Variants in TUNAR observed in about 807,000 individuals in gnomAD.
TUNAR encodes transmembrane neural differentiation associated intracellular calcium regulator, also known as protein TUNAR.
intron 2 of TUNAR, among the ~76,000 whole-genome samples, chr14:95,882,596 G>A (rs1229750264): frequency 6.6e-6 from 1 of 152,204 alleles, no homozygotes; most frequent in Non-Finnish European, 1.5e-5. Context: ...TGGCAGACCT[G>A]CATTTTTGAA....
intron 2 of TUNAR, among the ~76,000 whole-genome samples, chr14:95,920,658 G>A (rs562450468): frequency 5.3e-5 from 8 of 152,080 alleles, no homozygotes; most frequent in South Asian, 4.1e-4. Flanking sequence ...CCTGTCCTCC[G>A]GATCCAGAGC....
chr14:95,882,278 C>G (rs904389377), intron 2 of TUNAR, among the ~76,000 whole-genome samples: 1 of 152,012 alleles, frequency 6.6e-6, no homozygotes, highest in Non-Finnish European at 1.5e-5. Context: ...TGTGTAGTTA[C>G]TAAAAAGTAG....
At chr14:95,879,902 C>T (rs1373151241) in intron 2 of TUNAR, among the ~76,000 whole-genome samples, 1 of 152,224 alleles carries the variant, frequency 6.6e-6, no homozygotes, top group Admixed American at 6.5e-5. Context: ...AGACCATGCC[C>T]TCATGATTGC....
intron 2 of TUNAR, among the ~76,000 whole-genome samples, chr14:95,885,383 C>T (rs763970164): frequency 6.6e-5 from 10 of 152,244 alleles, no homozygotes; most frequent in Admixed American, 1.3e-4. Context: ...AAACGTGTTA[C>T]GTAACTACCT....
chr14:95,914,939 G>A (rs368431307), intron 2 of TUNAR, among the ~76,000 whole-genome samples: 2 of 152,294 alleles, frequency 1.3e-5, no homozygotes, highest in South Asian at 2.1e-4. Flanking sequence ...CCTTGCAGAG[G>A]ATAACAAGGA....
chr14:95,924,336 A>G (rs1259476258), exon 3 of TUNAR: 1 of 152,260 alleles, frequency 6.6e-6, no homozygotes, highest in Non-Finnish European at 1.5e-5. Flanking sequence ...GTTTACACCC[A>G]CATGAAGCTA....
intron 2 of TUNAR, among the ~76,000 whole-genome samples, chr14:95,882,061 T>C (rs56289405): frequency 0.088 from 13,377 of 152,184 alleles, 695 homozygotes; most frequent in African/African-American, 0.15. Flanking sequence ...TGAGAAAAAT[T>C]AGACAGAATG....
chr14:95,883,758 A>G (rs975984819), intron 2 of TUNAR, among the ~76,000 whole-genome samples: 23 of 152,032 alleles, frequency 1.5e-4, no homozygotes, highest in African/African-American at 5.6e-4. Flanking sequence ...CACTGGTTTC[A>G]AGTGCAAAGA....
intron 2 of TUNAR, among the ~76,000 whole-genome samples, chr14:95,908,746 C>T (rs1489555277): frequency 6.6e-6 from 1 of 152,170 alleles, no homozygotes; most frequent in Admixed American, 6.5e-5. Flanking sequence ...TGGCTATCAC[C>T]CAGTTTGAGC....
chr14:95,888,619 G>T (rs753978352), intron 2 of TUNAR, among the ~76,000 whole-genome samples: 1 of 152,162 alleles, frequency 6.6e-6, no homozygotes, highest in African/African-American at 2.4e-5. Flanking sequence ...GACGCTCCGT[G>T]TGGCTGGGTA....
chr14:95,903,670 T>G (rs1400703236), intron 2 of TUNAR, among the ~76,000 whole-genome samples: 2 of 152,226 alleles, frequency 1.3e-5, no homozygotes, highest in African/African-American at 2.4e-5. Context: ...AGTCTAAAAC[T>G]TAGTGGCTTG....
At chr14:95,906,205 G>T (rs2139665424) in intron 2 of TUNAR, among the ~76,000 whole-genome samples, 1 of 152,240 alleles carries the variant, frequency 6.6e-6, no homozygotes, top group Middle Eastern at 3.4e-3. Context: ...TGGGTGCCAG[G>T]TATGTTTATT....
At chr14:95,916,493 T>G (rs1889608783) in intron 2 of TUNAR, among the ~76,000 whole-genome samples, 1 of 152,222 alleles carries the variant, frequency 6.6e-6, no homozygotes, top group Non-Finnish European at 1.5e-5. Context: ...TTTTCCAGCA[T>G]GAGAACTCAC....
intron 2 of TUNAR, among the ~76,000 whole-genome samples, chr14:95,884,769 C>T (rs548480318): frequency 2.2e-4 from 34 of 152,330 alleles, no homozygotes; most frequent in Non-Finnish European, 2.2e-4. Context: ...ACACCTGCTA[C>T]GTCCAAACAC....
intron 2 of TUNAR, among the ~76,000 whole-genome samples, chr14:95,879,707 G>GTTTTT (rs112002523): frequency 1.3e-3 from 197 of 147,750 alleles, no homozygotes; most frequent in African/African-American, 4.5e-3. Context: ...CTTAAATCCA[G>GTTTTT]TTTTTTTTTT....
At chr14:95,910,860 A>G (rs1236126949) in intron 2 of TUNAR, among the ~76,000 whole-genome samples, 1 of 152,234 alleles carries the variant, frequency 6.6e-6, no homozygotes, top group Non-Finnish European at 1.5e-5. Flanking sequence ...ATTTCCTGAA[A>G]GCCTGGAAGG....
At chr14:95,897,432 T>G (rs192728385) in intron 2 of TUNAR, among the ~76,000 whole-genome samples, 2 of 152,352 alleles carry the variant, frequency 1.3e-5, no homozygotes, top group Admixed American at 1.3e-4. Context: ...GGTGAGGTTG[T>G]TAATCCATAT....
rs373135166 is a variant in TUNAR at position 95,904,268 on chromosome 14, C to A, written c.13-18513C>A. 2.7e-3 allele frequency among the ~76,000 whole-genome samples: 407 copies of A among 152,272 alleles called. 4 individuals carry two copies. The highest frequency in any genetic ancestry group is 9.0e-3 in the African/African-American group (375 of 41,558). ...CCTGGGTGGTTGGCTTAGACTAGAA[C>A]CTGCCTCACTGGGGATCTGGGAGAA... On this transcript the variant is annotated intron_variant, in intron 2 of 2. Transcript: ENST00000678517.
At chr14:95,911,995 T>C (rs1889522609) in intron 2 of TUNAR, among the ~76,000 whole-genome samples, 1 of 152,224 alleles carries the variant, frequency 6.6e-6, no homozygotes, top group Non-Finnish European at 1.5e-5. Context: ...TTCCAGCCTC[T>C]CAGGCAGAGA....
Sources: gnomAD v4.1 joint callset for allele counts (sites outside exome capture counted in the v4.1 genomes callset) on GRCh38, gnomAD v4.1.1 for gene constraint, MANE v1.5 for transcripts, NCBI Gene and HGNC (gene_info 2026-07-23, HGNC 2026-07-21) for gene names.